SEMA3E: variants seen among roughly 807,000 people sequenced by gnomAD.
SEMA3E encodes semaphorin-3E.
Under a neutral mutation model 93.6 loss-of-function variants are expected in SEMA3E, and 49 were observed. That is an observed-to-expected ratio of 0.52 (90% CI 0.42 to 0.66). The LOEUF (loss-of-function observed/expected upper bound fraction) is 0.66, where lower values mean the gene tolerates loss of function less well. Ranked by LOEUF, SEMA3E falls within the 30% of genes least tolerant of loss-of-function variation. The pLI, the probability that SEMA3E is intolerant of heterozygous loss-of-function variation, is 0.00. For missense variants in SEMA3E, 906 were observed against 964.8 expected (o/e 0.94, Z 0.81); for synonymous variants, 363 against 330.7 (o/e 1.10, Z -1.06).
intron 5 of SEMA3E, among the ~76,000 whole-genome samples, chr7:83,418,080 A>T (rs538822784): frequency 6.6e-6 from 1 of 152,334 alleles, no homozygotes; most frequent in East Asian, 1.9e-4. Flanking sequence ...TTTCTCTGGC[A>T]AAATTTTTAT....
At chr7:83,432,273 T>TG (rs1491162516) in intron 4 of SEMA3E, among the ~76,000 whole-genome samples, 4 of 71,282 alleles carry the variant, frequency 5.6e-5, no homozygotes, top group African/African-American at 2.0e-4. Flanking sequence ...CATTTGAGGG[T>TG]TTTTTTTTTT....
chr7:83,535,680 C>T (rs557986379), intron 1 of SEMA3E, among the ~76,000 whole-genome samples: 16 of 152,164 alleles, frequency 1.1e-4, no homozygotes, highest in Non-Finnish European at 2.1e-4. Context: ...AAAGAAAATG[C>T]TTGAGGTAAA....
In SEMA3E at chr7:83,393,018, G is replaced by A. The variant is rs1485715537; in HGVS notation, c.1501-297C>T. 5.4e-5 allele frequency among the ~76,000 whole-genome samples: 6 copies of A among 110,174 alleles called. No individual in the cohort carries two copies. The East Asian group carries it at 8.0e-4, about 15-fold the overall frequency. The allele number at this position is 110,174 out of a possible 152,430, so 72.3% of individuals were successfully genotyped here. A position where few individuals can be genotyped will look rare whatever the true frequency, so the allele number is the denominator to read the frequency against. ...TAGGATGTGGAGGTGGAACCTGGGC[G>A]ACAAGAGAGAAACTCCATCTCAAAA... On this transcript the variant is annotated intron_variant, in intron 13 of 16. Transcript: ENST00000643230.
intron 2 of SEMA3E, among the ~76,000 whole-genome samples, chr7:83,478,088 T>A (rs1383729587): frequency 6.6e-6 from 1 of 151,990 alleles, no homozygotes; most frequent in Non-Finnish European, 1.5e-5. Flanking sequence ...GCCCTGCTAA[T>A]TTTTTTGTAT....
chr7:83,637,789 C>CT (rs202153375), intron 1 of SEMA3E, among the ~76,000 whole-genome samples: 43,593 of 128,866 alleles, frequency 0.34, 7,251 homozygotes, highest in East Asian at 0.46. Flanking sequence ...TCTGGCAGTT[C>CT]TTTTTTTTTT....
rs2245441 is a variant in SEMA3E at position 83,405,438 on chromosome 7, T to A, written c.998+12A>T. The stretch of plus-strand genomic sequence containing the variant: ...TTCTATATTGTTTTTATTGACTGTA[T>A]AAATTTCTCACCTGGTAGTGTTAAA... On this transcript the variant is annotated intron_variant, in intron 9 of 16. Coordinates refer to ENST00000643230, the MANE Select transcript of SEMA3E (RefSeq NM_012431.3). 944,254 of 1,591,472 alleles carry A rather than the reference T, an allele frequency of 0.59. 289,656 individuals carry two copies. The highest frequency in any genetic ancestry group is 0.83 in the East Asian group (37,295 of 44,696).
intron 1 of SEMA3E, among the ~76,000 whole-genome samples, chr7:83,531,742 C>T (rs1791306269): frequency 1.3e-5 from 2 of 151,958 alleles, no homozygotes; most frequent in African/African-American, 4.8e-5. Flanking sequence ...GTTTATTTTC[C>T]AAGTTAGAGC....
At chr7:83,393,676 ATC>A (rs2115586663) in intron 13 of SEMA3E, among the ~76,000 whole-genome samples, 1 of 152,316 alleles carries the variant, frequency 6.6e-6, no homozygotes, top group African/African-American at 2.4e-5. Context: ...TTAATATAAT[ATC>A]TTTCCTTTTG....
intron 12 of SEMA3E, among the ~76,000 whole-genome samples, 163 bp from the exon 13 acceptor site, chr7:83,394,501 G>T (rs1269889315): frequency 6.6e-6 from 1 of 152,102 alleles, no homozygotes; most frequent in African/African-American, 2.4e-5. Flanking sequence ...CAATTAAAAT[G>T]CAGCTTTAAA....
At chr7:83,532,060 A>G (rs1308869663) in intron 1 of SEMA3E, among the ~76,000 whole-genome samples, 1 of 152,218 alleles carries the variant, frequency 6.6e-6, no homozygotes, top group Non-Finnish European at 1.5e-5. Context: ...TGGGTAAAAC[A>G]TGTATAAATT....
intron 1 of SEMA3E, among the ~76,000 whole-genome samples, chr7:83,536,756 T>C (rs909591945): frequency 3.9e-5 from 6 of 152,272 alleles, no homozygotes; most frequent in East Asian, 1.9e-4. Context: ...AGTGACCTCA[T>C]TGGCATCTTG....
At chr7:83,426,766 G>T (rs1184255951) in intron 4 of SEMA3E, among the ~76,000 whole-genome samples, 2 of 152,112 alleles carry the variant, frequency 1.3e-5, no homozygotes, top group Non-Finnish European at 2.9e-5. Context: ...CGTTGTACAT[G>T]CTTCCTTGGG....
At chr7:83,465,279 G>C (rs1036528512) in intron 4 of SEMA3E, among the ~76,000 whole-genome samples, 1 of 151,542 alleles carries the variant, frequency 6.6e-6, no homozygotes, top group East Asian at 1.9e-4. Flanking sequence ...ATCTCCCTTC[G>C]CTGACTCTCT....
chr7:83,576,096 G>C (rs1345095092), intron 1 of SEMA3E, among the ~76,000 whole-genome samples: 1 of 152,106 alleles, frequency 6.6e-6, no homozygotes, highest in African/African-American at 2.4e-5. Flanking sequence ...CTATTAGAAA[G>C]TATAAAAGTT....
chr7:83,527,718 T>A (rs1791190507), intron 1 of SEMA3E, among the ~76,000 whole-genome samples: 1 of 152,038 alleles, frequency 6.6e-6, no homozygotes, highest in Non-Finnish European at 1.5e-5. Context: ...AAGATAGCAT[T>A]TTCATGAAGT....
At chr7:83,647,138 T>C (rs180873491) in intron 1 of SEMA3E, among the ~76,000 whole-genome samples, 1 of 152,230 alleles carries the variant, frequency 6.6e-6, no homozygotes, top group East Asian at 1.9e-4. Context: ...CAATTTAGTA[T>C]CAATGGATTT....
At chr7:83,584,232 A>C (rs1030939261) in intron 1 of SEMA3E, among the ~76,000 whole-genome samples, 1 of 152,148 alleles carries the variant, frequency 6.6e-6, no homozygotes, top group African/African-American at 2.4e-5. Flanking sequence ...CTATAATAAT[A>C]AACATTTTAC....
chr7:83,416,984 TACACACAC>T (rs71522659), intron 5 of SEMA3E, among the ~76,000 whole-genome samples: 1 of 113,668 alleles, frequency 8.8e-6, no homozygotes, highest in African/African-American at 2.8e-5. Context: ...ACTCTGTTTA[TACACACAC>T]ACACACACAC....
At chr7:83,466,152 C>A (rs1422519022) in intron 4 of SEMA3E, among the ~76,000 whole-genome samples, 1 of 152,086 alleles carries the variant, frequency 6.6e-6, no homozygotes, top group African/African-American at 2.4e-5. Context: ...CACCTATATA[C>A]ATATTCCAGT....
Sources: gnomAD v4.1 joint callset for allele counts (sites outside exome capture counted in the v4.1 genomes callset) on GRCh38, gnomAD v4.1.1 for gene constraint, MANE v1.5 for transcripts, NCBI Gene and HGNC (gene_info 2026-07-23, HGNC 2026-07-21) for gene names.